The following IFT122 variants were observed in gnomAD, a reference collection of about 807,000 sequenced individuals.
IFT122 encodes the protein intraflagellar transport protein 122 homolog.
A neutral mutation model predicts 161.6 loss-of-function variants in IFT122; 118 were observed. The ratio of observed to expected loss-of-function variants is 0.73; its 90% CI spans 0.63 to 0.85. The LOEUF (loss-of-function observed/expected upper bound fraction) is 0.85, where lower values mean the gene tolerates loss of function less well. Ranked by LOEUF, IFT122 falls within the 40% of genes least tolerant of loss-of-function variation. IFT122 has a pLI of 0.00. For synonymous variants in IFT122, 550 were observed against 602.4 expected (o/e 0.91, Z 1.27); for missense variants, 1,381 against 1,579.6 (o/e 0.87, Z 2.13).
intron 4 of IFT122, 49 bp downstream of exon 4, chr3:129,458,726 A>T: frequency 7.4e-7 from 1 of 1,350,184 alleles, no homozygotes; most frequent in Non-Finnish European, 1.1e-6. Flanking sequence ...TTATTGAATA[A>T]TTGCAGCAAA....
chr3:129,480,041 G>A (rs2078454186), intron 13 of IFT122, 119 bp downstream of exon 13: 1 of 1,279,042 alleles, frequency 7.8e-7, no homozygotes, highest in Non-Finnish European at 1.1e-6. Flanking sequence ...TCTCCTCCAT[G>A]GGTGAATTGT....
chr3:129,479,970 A>C, intron 13 of IFT122, 48 bp downstream of exon 13: 2 of 1,610,640 alleles, frequency 1.2e-6, no homozygotes, highest in Non-Finnish European at 1.7e-6. Flanking sequence ...CTGCATGCAC[A>C]CGTGGGTGAC....
chr3:129,475,141 A>G (rs1397240287), intron 9 of IFT122, among the ~76,000 whole-genome samples: 3 of 152,212 alleles, frequency 2.0e-5, no homozygotes, highest in African/African-American at 4.8e-5. Flanking sequence ...CCTAAGCCAC[A>G]GAGTGTGACA....
chr3:129,466,495 C>CTTTTTTTTTTTTTTTTTTTTTTT (rs527470540), intron 7 of IFT122, among the ~76,000 whole-genome samples: 20 of 102,180 alleles, frequency 2.0e-4, no homozygotes, highest in Middle Eastern at 7.5e-3. Context: ...TATTTTTATT[C>CTTTTTTTTTTTTTTTTTTTTTTT]TTTTTTTTTT....
Position 129,515,541 on chromosome 3 carries a change from C to T in IFT122, c.3207C>T (p.Asn1069=), listed in dbSNP as rs754532829. 7 of 1,587,238 alleles carry T rather than the reference C, an allele frequency of 4.4e-6. No individual in the cohort carries two copies. The highest frequency in any genetic ancestry group is 4.5e-5 in the East Asian group (2 of 44,600). Residue 1069 remains asparagine, a synonymous_variant, in exon 26 of 30, where the codon AAC becomes AAT. Coordinates refer to ENST00000348417, the MANE Select transcript of IFT122 (RefSeq NM_052989.3). ...RCSTNNPLLN[N]LGNVCINCRQ... ...CCACCAACAACCCGCTGCTCAACAACCTGGGCAACGTCTGCATCAACTGCC... is the reference window on the plus strand; with the variant it reads ...CCACCAACAACCCGCTGCTCAACAATCTGGGCAACGTCTGCATCAACTGCC...
At chr3:129,504,248 A>G (rs1400640830) in intron 20 of IFT122, 71 bp from the exon 21 acceptor site, 2 of 1,267,818 alleles carry the variant, frequency 1.6e-6, no homozygotes, top group Non-Finnish European at 2.3e-6. Context: ...TAATGGATTC[A>G]GCCAAGTACA....
chr3:129,483,621 A>G lies in IFT122; in HGVS notation c.1790A>G (p.Tyr597Cys), dbSNP rs755058078. The change falls in exon 15 of 30, where the codon TAC becomes TGC. Residue 597 changes from tyrosine to cysteine, a missense_variant. Tyr to Cys is a radical substitution (Grantham distance 194, BLOSUM62 -2). This residue lies in a region of IFT122 where 544 missense variants were observed against 648.0 expected (regional missense o/e 0.84). Transcript: ENST00000348417. ...AAGCTGCAGGGCTTTGTGGTCGGCT[A>G]CAATGGCTCCAAGATCTTCTGCCTC... ...RQKLQGFVVG[Y>C]NGSKIFCLHV... The G allele has an allele frequency of 5.6e-6, 9 of 1,613,498 alleles. No homozygotes were observed. Among genetic ancestry groups the G allele is most frequent in the African/African-American group, 1.3e-5 (1 of 74,936 alleles).
chr3:129,495,965 A>T (rs939452214), intron 18 of IFT122, among the ~76,000 whole-genome samples: 1 of 152,158 alleles, frequency 6.6e-6, no homozygotes, highest in Non-Finnish European at 1.5e-5. Context: ...AGCCGCCAAG[A>T]ATCGGTGTCT....
rs755493101 is a variant in IFT122 at position 129,476,435 on chromosome 3, C to T, written c.937C>T (p.Arg313Trp). Reference protein sequence around the residue: ...QVSLFTKDGVRLGTVGEQNSW... With the variant: ...QVSLFTKDGVWLGTVGEQNSW... ...ATCTCTTTTCACCAAGGATGGAGTG[C>T]GGCTTGGGACTGTTGGGGAGCAGAA... The change falls in exon 10 of 30, where the codon CGG becomes TGG. Residue 313 changes from arginine to tryptophan, a missense_variant. By Grantham distance (101) the Arg-to-Trp change is moderately radical. This residue lies in a region of IFT122 where 544 missense variants were observed against 648.0 expected (regional missense o/e 0.84). Coordinates refer to ENST00000348417, the MANE Select transcript of IFT122 (RefSeq NM_052989.3). 2.3e-5 allele frequency: 37 copies of T among 1,613,924 alleles called. No homozygotes were observed. In the Admixed American group the frequency reaches 3.0e-4, roughly 13 times the overall value.
intron 13 of IFT122, among the ~76,000 whole-genome samples, chr3:129,480,713 G>A (rs1021992628): frequency 3.9e-5 from 6 of 152,166 alleles, no homozygotes; most frequent in Admixed American, 6.5e-5. Flanking sequence ...CAGGTGGGCC[G>A]GAGGTCGTGT....
At chr3:129,494,221 T>TG (rs2080545537) in intron 17 of IFT122, among the ~76,000 whole-genome samples, 2 of 152,018 alleles carry the variant, frequency 1.3e-5, no homozygotes, top group Non-Finnish European at 2.9e-5. Context: ...TGTTTGTTTT[T>TG]TTTTTGCAGA....
intron 5 of IFT122, among the ~76,000 whole-genome samples, chr3:129,462,009 A>T (rs905248746): frequency 5.3e-5 from 8 of 151,612 alleles, no homozygotes; most frequent in Non-Finnish European, 2.9e-5. Flanking sequence ...TCACTAGATG[A>T]GGAGTCAGAG....
At chr3:129,451,847 A>G (rs1456788413) in intron 2 of IFT122, 67 bp from the exon 3 acceptor site, 12 of 1,336,324 alleles carry the variant, frequency 9.0e-6, no homozygotes, top group Middle Eastern at 1.8e-4. Context: ...AAATAGCAGT[A>G]GCAACCCTGC....
chr3:129,454,803 C>T (rs796701061), intron 3 of IFT122, among the ~76,000 whole-genome samples: 3 of 152,168 alleles, frequency 2.0e-5, no homozygotes, highest in African/African-American at 7.2e-5. Context: ...GAGTGTGACC[C>T]ATCAGTAGTG....
chr3:129,520,040 A>C lies in IFT122; in HGVS notation c.3637-136A>C. 5.3e-6 allele frequency: 4 copies of C among 759,360 alleles called. 1 individual carries two copies. Among genetic ancestry groups the C allele is most frequent in the Non-Finnish European group, 9.1e-6 (4 of 439,542 alleles). 47.0% of individuals were successfully genotyped at this position (759,360 alleles called of 1,614,324 possible). On this transcript the variant is annotated intron_variant, in intron 29 of 29. Transcript: ENST00000348417. ...CCATCTCCCCTTCCAGCCCTCAAAC[A>C]AAGGTGCTGCAGGTCTGTGTCCAGC...
intron 1 of IFT122, among the ~76,000 whole-genome samples, chr3:129,447,890 C>T (rs994124749): frequency 7.2e-5 from 11 of 152,294 alleles, no homozygotes; most frequent in African/African-American, 1.9e-4. Context: ...GCCCACTTCC[C>T]GTCATGGCCT....
chr3:129,517,268 G>GCGCGCGCGCGCGCGCACACACACACA (rs1553776447), intron 26 of IFT122, among the ~76,000 whole-genome samples: 7 of 117,118 alleles, frequency 6.0e-5, no homozygotes, highest in African/African-American at 1.9e-4. Flanking sequence ...CATTGCTCCT[G>GCGCGCGCGCGCGCGCACACACACACA]CACACACACA....
At position 129,500,056 on chromosome 3, in the gene IFT122, G is replaced by A; in HGVS notation, c.2363G>A (p.Gly788Asp). The change falls in exon 19 of 30, where the codon GGC becomes GAC. Residue 788 changes from glycine to aspartate, a missense_variant. Around this residue, in one of 7 missense-constraint regions of IFT122, gnomAD observed 496 missense variants for 502.5 expected, o/e 0.99. Transcript: ENST00000348417. ...VKAIEICGDH[G>D]WVDMLIDIAR... ...GCCATCGAGATCTGTGGTGACCATG[G>A]CTGGGTTGACATGTAGGTTTTGGTC... 2 of 1,614,124 alleles carry A rather than the reference G, an allele frequency of 1.2e-6. No homozygotes were observed. Among genetic ancestry groups the A allele is most frequent in the Non-Finnish European group, 1.7e-6 (2 of 1,180,010 alleles).
chr3:129,475,273 T>C (rs1197607136), intron 9 of IFT122, among the ~76,000 whole-genome samples: 2 of 152,204 alleles, frequency 1.3e-5, no homozygotes, highest in Admixed American at 6.5e-5. Flanking sequence ...GGAATCCTCA[T>C]ACACTGCTAA....
Sources: allele counts gnomAD v4.1 joint callset (sites outside exome capture counted in the v4.1 genomes callset), GRCh38; gene constraint gnomAD v4.1.1; regional missense constraint gnomAD v4.1.1; transcripts MANE v1.5; gene names NCBI Gene and HGNC (gene_info 2026-07-23, HGNC 2026-07-21).